The following DTD1 variants were observed in gnomAD, a reference collection of about 807,000 sequenced individuals.
The protein encoded by DTD1 is D-aminoacyl-tRNA deacylase 1, also known as D-tyrosyl-tRNA deacylase 1 homolog.
DTD1 carries 13 observed loss-of-function variants against 25.6 expected under a neutral mutation model. That is an observed-to-expected ratio of 0.51 (90% CI 0.33 to 0.81). The LOEUF is 0.81. Ranked by LOEUF, DTD1 falls within the 30% of genes least tolerant of loss-of-function variation. The pLI, the probability that DTD1 is intolerant of heterozygous loss-of-function variation, is 0.02. For synonymous variants in DTD1, 110 were observed against 103.6 expected (o/e 1.06, Z -0.37); for missense variants, 193 against 266.4 (o/e 0.72, Z 1.92).
At chr20:18,722,180 C>T (rs2061206476) in intron 4 of DTD1, among the ~76,000 whole-genome samples, 2 of 152,204 alleles carry the variant, frequency 1.3e-5, no homozygotes, top group Admixed American at 1.3e-4. Context: ...ATGCCCTTTC[C>T]TTTGGCATGG....
chr20:18,715,077 TG>T (rs2061174816), intron 4 of DTD1, among the ~76,000 whole-genome samples: 2 of 152,162 alleles, frequency 1.3e-5, no homozygotes, highest in South Asian at 2.1e-4. Context: ...GACACCAGGC[TG>T]GGCCAGCTGG....
At chr20:18,755,575 C>A (rs1311375735) in intron 5 of DTD1, among the ~76,000 whole-genome samples, 2 of 152,196 alleles carry the variant, frequency 1.3e-5, no homozygotes, top group African/African-American at 4.8e-5. Flanking sequence ...CCAGCTTCAT[C>A]CGTGTCCCTA....
Position 18,765,711 on chromosome 20 carries a change from T to C in DTD1, c.*2371T>C, listed in dbSNP as rs1265721136. The C allele has an allele frequency of 6.6e-6, 1 of 152,208 alleles. No homozygotes were observed. The highest frequency in any genetic ancestry group is 2.4e-5 in the African/African-American group (1 of 41,452). 9.4% of individuals were successfully genotyped at this position (152,208 alleles called of 1,614,324 possible). ...TCCTGAAGGTCCTTTCCTAGTTGCT[T>C]TGAAACTAATGGCTAAAATTAGATT... is the stretch of plus-strand genomic sequence containing the variant. On this transcript the variant is annotated 3_prime_UTR_variant, in exon 6 of 6. Transcript: ENST00000377452.
chr20:18,660,423 G>A (rs1230664248), intron 4 of DTD1, among the ~76,000 whole-genome samples: 1 of 151,986 alleles, frequency 6.6e-6, no homozygotes, highest in Non-Finnish European at 1.5e-5. Context: ...GTTTTGCCAT[G>A]TTGCCAAGGC....
rs1426123717 is a variant in DTD1, at chr20:18,765,679, C to T, written c.*2339C>T. 1 of 152,136 alleles carries T rather than the reference C, an allele frequency of 6.6e-6. No individual in the cohort carries two copies. The highest frequency in any genetic ancestry group is 6.6e-5 in the Admixed American group (1 of 15,264). 9.4% of individuals were successfully genotyped at this position (152,136 alleles called of 1,614,324 possible). A position where few individuals can be genotyped will look rare whatever the true frequency, so the allele number is the denominator to read the frequency against. ...AAAAGGTGGTTAATTTCCACCCCCA[C>T]CTACACTCCTGAAGGTCCTTTCCTA... is the stretch of plus-strand genomic sequence containing the variant. On this transcript the variant is annotated 3_prime_UTR_variant, in exon 6 of 6. Coordinates refer to ENST00000377452, the MANE Select transcript of DTD1 (RefSeq NM_080820.6).
chr20:18,652,417 T>A (rs2060877828), intron 4 of DTD1, among the ~76,000 whole-genome samples: 1 of 152,264 alleles, frequency 6.6e-6, no homozygotes, highest in African/African-American at 2.4e-5. Context: ...ACAACATTTT[T>A]ACTTTCTGGT....
intron 4 of DTD1, among the ~76,000 whole-genome samples, chr20:18,734,423 C>T (rs1168938904): frequency 6.6e-6 from 1 of 152,210 alleles, no homozygotes; most frequent in Non-Finnish European, 1.5e-5. Context: ...GTGCAAGTCT[C>T]CATCATTCTC....
At chr20:18,596,400 G>A (rs1477907337) in intron 3 of DTD1, among the ~76,000 whole-genome samples, 159 bp downstream of exon 3, 1 of 152,236 alleles carries the variant, frequency 6.6e-6, no homozygotes, top group African/African-American at 2.4e-5. Context: ...TGCTGCTGTT[G>A]TACTTAACAC....
At chr20:18,762,728 T>C (rs1459301757) in intron 5 of DTD1, among the ~76,000 whole-genome samples, 1 of 152,198 alleles carries the variant, frequency 6.6e-6, no homozygotes, top group Non-Finnish European at 1.5e-5. Flanking sequence ...ATAATTTGTG[T>C]CTTCTCTCTT....
intron 4 of DTD1, among the ~76,000 whole-genome samples, chr20:18,638,975 A>G (rs1189830264): frequency 6.6e-6 from 1 of 152,096 alleles, no homozygotes; most frequent in Non-Finnish European, 1.5e-5. Flanking sequence ...GTAATATTGT[A>G]AAGTTCAACC....
chr20:18,629,547 A>G (rs572480659), intron 4 of DTD1, among the ~76,000 whole-genome samples: 1 of 151,510 alleles, frequency 6.6e-6, no homozygotes, highest in East Asian at 2.0e-4. Flanking sequence ...TGATCCACCT[A>G]GGGCCTCAGC....
intron 4 of DTD1, among the ~76,000 whole-genome samples, chr20:18,649,740 T>C (rs1380785067): frequency 6.6e-6 from 1 of 152,186 alleles, no homozygotes; most frequent in African/African-American, 2.4e-5. Context: ...AAATGTGAGT[T>C]GAGTGTCGCT....
At chr20:18,657,577 A>T (rs1028988685) in intron 4 of DTD1, among the ~76,000 whole-genome samples, 2 of 152,244 alleles carry the variant, frequency 1.3e-5, no homozygotes, top group Non-Finnish European at 2.9e-5. Flanking sequence ...GCAGAAAATA[A>T]TTCTCACCAC....
rs373513751 is a variant in DTD1, at chr20:18,753,947, T to C, written c.*20-9413T>C. The stretch of plus-strand genomic sequence containing the variant: ...AGTGCTAGAAGGTCAGAGTGAAGCC[T>C]GCATTGATAACTTCCCAGCATCTCT... On this transcript the variant is annotated intron_variant, in intron 5 of 5. Coordinates refer to ENST00000377452, the MANE Select transcript of DTD1 (RefSeq NM_080820.6). Among the ~76,000 whole-genome samples the C allele has an allele frequency of 7.2e-5, 11 of 152,178 alleles. No individual in the cohort carries two copies. The East Asian group carries it at 7.7e-4, about 11-fold the overall frequency.
intron 3 of DTD1, among the ~76,000 whole-genome samples, chr20:18,619,666 C>CT (rs1483375277): frequency 6.6e-6 from 1 of 152,192 alleles, no homozygotes; most frequent in African/African-American, 2.4e-5. Flanking sequence ...CTCAGGCTAT[C>CT]TGCCCGCCTC....
chr20:18,629,627 ATAATCTTTCTTTTTTGT>A (rs1344782079), intron 4 of DTD1, among the ~76,000 whole-genome samples: 1 of 150,644 alleles, frequency 6.6e-6, no homozygotes, highest in Non-Finnish European at 1.5e-5. Flanking sequence ...AAAGTGGAAC[ATAATCTTTCTTTTTTGT>A]TTCTGTATTA....
Position 18,749,355 on chromosome 20 carries a change from G to T in DTD1, c.*19+5084G>T, listed in dbSNP as rs2061313296. The stretch of plus-strand genomic sequence containing the variant: ...GCCGTGGGGTGGGGAAGGCTCCAGA[G>T]GGTGTTCTCTGCCTGGTGGAGGGTG... On this transcript the variant is annotated intron_variant, in intron 5 of 5. Coordinates refer to ENST00000377452, the MANE Select transcript of DTD1 (RefSeq NM_080820.6). This position sits in a 1 kb window ranked among gnomAD's most constrained non-coding sequence, Gnocchi z 4.2. 6.6e-6 allele frequency among the ~76,000 whole-genome samples: 1 copy of T among 152,164 alleles called. No homozygotes were observed. Among genetic ancestry groups the T allele is most frequent in the African/African-American group, 2.4e-5 (1 of 41,446 alleles).
At chr20:18,600,715 G>T (rs931325358) in intron 3 of DTD1, among the ~76,000 whole-genome samples, 2 of 152,090 alleles carry the variant, frequency 1.3e-5, no homozygotes, top group Admixed American at 1.3e-4. Flanking sequence ...TGACTATATT[G>T]AATCTCCCTG....
At chr20:18,661,371 C>CTTTTTTTTTT (rs565601536) in intron 4 of DTD1, among the ~76,000 whole-genome samples, 1 of 120,196 alleles carries the variant, frequency 8.3e-6, no homozygotes. Flanking sequence ...GTCTTCTAGT[C>CTTTTTTTTTT]TTTTTTTTTT....
Sources: allele counts gnomAD v4.1 joint callset (sites outside exome capture counted in the v4.1 genomes callset), GRCh38; gene constraint gnomAD v4.1.1; non-coding constraint Gnocchi (gnomAD v3.1); transcripts MANE v1.5; gene names NCBI Gene and HGNC (gene_info 2026-07-23, HGNC 2026-07-21).